AMZ1: variants seen among roughly 807,000 people sequenced by gnomAD.
The protein encoded by AMZ1 is archaemetzincin-1.
A neutral mutation model predicts 29.9 loss-of-function variants in AMZ1; 39 were observed. The ratio of observed to expected loss-of-function variants is 1.30; its 90% CI spans 1.01 to 1.70. The LOEUF is 1.70. Among genes scored for constraint, AMZ1 ranks in the 40% most tolerant of loss-of-function variants. AMZ1 has a pLI of 0.00. For missense variants in AMZ1, 1,041 were observed against 680.6 expected, an observed-to-expected ratio of 1.53 and a Z score of -5.89; for synonymous variants, 458 against 304.0, an observed-to-expected ratio of 1.51 and a Z score of -5.27.
downstream of AMZ1, among the ~76,000 whole-genome samples, chr7:2,724,496 G>A (rs798540): frequency 0.24 from 35,902 of 152,114 alleles, 4,953 homozygotes; most frequent in Non-Finnish European, 0.29. Context: ...GGCAAGAGAC[G>A]GGAAGCCCTT....
chr7:2,743,533 C>T (rs1790610303), intron 4 of AMZ1, among the ~76,000 whole-genome samples: 1 of 152,114 alleles, frequency 6.6e-6, no homozygotes, highest in Non-Finnish European at 1.5e-5. Context: ...TAAAGATACA[C>T]AAAATCTTAT....
chr7:2,733,540 T>G, intron 4 of AMZ1: 1 of 1,519,004 alleles, frequency 6.6e-7, no homozygotes, highest in Non-Finnish European at 9.1e-7. Context: ...CAGTCTGGAC[T>G]GAGGAATCCT....
chr7:2,722,539 G>A (rs1789466780), downstream of AMZ1, among the ~76,000 whole-genome samples: 1 of 152,176 alleles, frequency 6.6e-6, no homozygotes, highest in African/African-American at 2.4e-5. Flanking sequence ...CCCAAGTGCT[G>A]GGATTACAGG....
At chr7:2,743,280 G>A (rs1790600361) in intron 4 of AMZ1, among the ~76,000 whole-genome samples, 2 of 152,178 alleles carry the variant, frequency 1.3e-5, no homozygotes, top group South Asian at 4.1e-4. Context: ...CAAGTTAAAT[G>A]TCTGCTAAAG....
chr7:2,712,499 G>T lies in AMZ1; in HGVS notation c.1118G>T (p.Gly373Val), dbSNP rs747150038. 1.2e-6 allele frequency: 2 copies of T among 1,609,292 alleles called. No individual in the cohort carries two copies. Among genetic ancestry groups the T allele is most frequent in the Admixed American group, 3.3e-5 (2 of 59,758 alleles). Residue 373 changes from glycine to valine, a missense_variant, in exon 7 of 7, where the codon GGG (glycine) becomes GTG (valine). Coordinates refer to ENST00000683327, the MANE Select transcript of AMZ1 (RefSeq NM_001384743.1). ...TCGGAGCCCCTCACCCCTGATGCCG[G>T]GAGTCACACCTTCGCCTCGGGGCCA... ...SVSEPLTPDA[G>V]SHTFASGPEE... is the part of the protein sequence containing the mutation.
At chr7:2,762,827 A>G (rs1239863488), upstream of AMZ1, 8 of 1,514,292 alleles carry the variant, frequency 5.3e-6, no homozygotes, top group South Asian at 1.0e-4. Context: ...TCCGCCACAC[A>G]CCCAGTCAGC....
At chr7:2,754,886 TCTA>T (rs937744536) in intron 4 of AMZ1, among the ~76,000 whole-genome samples, 9 of 152,350 alleles carry the variant, frequency 5.9e-5, no homozygotes, top group African/African-American at 2.2e-4. Context: ...CCAAGGAGTT[TCTA>T]CTGTTATCTT....
intron 1 of AMZ1, among the ~76,000 whole-genome samples, chr7:2,689,262 G>C (rs1278793290): frequency 6.6e-6 from 1 of 152,232 alleles, no homozygotes; most frequent in Non-Finnish European, 1.5e-5. Context: ...TGGTCAGATG[G>C]GGGAGCATGA....
chr7:2,750,658 G>A (rs1157174470), intron 4 of AMZ1, among the ~76,000 whole-genome samples: 1 of 152,166 alleles, frequency 6.6e-6, no homozygotes, highest in Non-Finnish European at 1.5e-5. Context: ...GGTTGACTGC[G>A]GGTAACTGAA....
chr7:2,750,997 A>G (rs1791007376), intron 4 of AMZ1, among the ~76,000 whole-genome samples: 1 of 152,212 alleles, frequency 6.6e-6, no homozygotes, highest in African/African-American at 2.4e-5. Context: ...TGTACATCAG[A>G]AAGTATTTTG....
At chr7:2,690,747 G>C (rs901615961) in intron 1 of AMZ1, among the ~76,000 whole-genome samples, 1 of 152,000 alleles carries the variant, frequency 6.6e-6, no homozygotes, top group Non-Finnish European at 1.5e-5. Flanking sequence ...GCTCCCATTC[G>C]GTCCTCCCTG....
intron 1 of AMZ1, among the ~76,000 whole-genome samples, chr7:2,682,327 C>T (rs1046382256): frequency 7.2e-5 from 11 of 152,104 alleles, no homozygotes; most frequent in Admixed American, 7.2e-4. Context: ...GTCAGGGTCT[C>T]GTGTCCAGCA....
At chr7:2,750,455 T>C (rs990611038) in intron 4 of AMZ1, among the ~76,000 whole-genome samples, 4 of 152,212 alleles carry the variant, frequency 2.6e-5, no homozygotes, top group Non-Finnish European at 4.4e-5. Context: ...CCTGAAGCCT[T>C]GAATAATACC....
intron 6 of AMZ1, 107 bp from the exon 7 acceptor site, chr7:2,712,223 G>A (rs1788826271): frequency 1.6e-6 from 2 of 1,228,404 alleles, no homozygotes; most frequent in Non-Finnish European, 2.2e-6. Context: ...CCGCCCCTGG[G>A]TAACTGAGGA....
At chr7:2,757,027 T>C (rs1791330958) in intron 4 of AMZ1, among the ~76,000 whole-genome samples, 1 of 152,120 alleles carries the variant, frequency 6.6e-6, no homozygotes, top group South Asian at 2.1e-4. Flanking sequence ...TGAACCGTGA[T>C]TGTGCCAGTG....
At chr7:2,687,299 C>T (rs887780346), upstream of AMZ1, among the ~76,000 whole-genome samples, 1 of 151,910 alleles carries the variant, frequency 6.6e-6, no homozygotes, top group Non-Finnish European at 1.5e-5. Context: ...TACACTCCAG[C>T]CTGGGCGACA....
rs1294557826 is a variant in AMZ1, at chr7:2,709,137, C to T, written c.664C>T (p.Pro222Ser). The T allele has an allele frequency of 6.3e-7, 1 of 1,595,814 alleles. No homozygotes were observed. The change falls in exon 5 of 7, where the codon CCT (proline) becomes TCT (serine). Residue 222 changes from proline (P) to serine (S), a missense_variant. Coordinates refer to ENST00000683327, the MANE Select transcript of AMZ1 (RefSeq NM_001384743.1). ...GEFPKSGPSA[P>S]DLALVEAAAD... The stretch of plus-strand genomic sequence containing the variant: ...ATTCCCGAAGTCGGGGCCCAGCGCC[C>T]CTGATCTGGCCCTGGTAGAGGCAGC...
chr7:2,762,067 T>G (rs148190911), upstream of AMZ1: 14 of 152,612 alleles, frequency 9.2e-5, no homozygotes, highest in African/African-American at 3.4e-4. Flanking sequence ...CCTTCATTAC[T>G]GTCCCTACCT....
At chr7:2,746,471 G>T (rs1260414148) in intron 4 of AMZ1, among the ~76,000 whole-genome samples, 1 of 152,092 alleles carries the variant, frequency 6.6e-6, no homozygotes, top group Non-Finnish European at 1.5e-5. Flanking sequence ...TGAAACCAAC[G>T]AGAACAAAGA....
Sources: gnomAD v4.1 joint callset for allele counts (sites outside exome capture counted in the v4.1 genomes callset) on GRCh38, gnomAD v4.1.1 for gene constraint, MANE v1.5 for transcripts, NCBI Gene and HGNC (gene_info 2026-07-23, HGNC 2026-07-21) for gene names.